The following SDK1 variants were observed in gnomAD, a reference collection of about 807,000 sequenced individuals.
SDK1 encodes the protein sidekick cell adhesion molecule 1.
Under a neutral mutation model 245.5 loss-of-function variants are expected in SDK1, and 157 were observed. That is an observed-to-expected ratio of 0.64 (90% CI 0.56 to 0.73). The LOEUF is 0.73. Ranked by LOEUF, SDK1 falls within the 30% of genes least tolerant of loss-of-function variation. The probability of loss-of-function intolerance (pLI) is 0.00; values close to 1 mark genes in which losing one functional copy is unlikely to be tolerated. For synonymous variants in SDK1, 1,647 were observed against 1,278.5 expected (o/e 1.29, Z -6.15); for missense variants, 3,583 against 3,002.3 (o/e 1.19, Z -4.52).
At chr7:3,448,110 T>C (rs1046090945) in intron 1 of SDK1, among the ~76,000 whole-genome samples, 2 of 152,224 alleles carry the variant, frequency 1.3e-5, no homozygotes, top group African/African-American at 2.4e-5. Flanking sequence ...TGTATAGATA[T>C]TAGTAGATTT....
intron 1 of SDK1, among the ~76,000 whole-genome samples, chr7:3,588,105 T>C (rs1466629456): frequency 6.6e-6 from 1 of 152,232 alleles, no homozygotes; most frequent in Non-Finnish European, 1.5e-5. Context: ...GAGCCCTGTA[T>C]TCTGCCATTC....
chr7:3,640,950 G>A lies in SDK1; in HGVS notation c.566-1008G>A, dbSNP rs142553902. Among the ~76,000 whole-genome samples the A allele has an allele frequency of 2.6e-3, 393 of 151,996 alleles. 2 individuals are homozygous for A. Among genetic ancestry groups the A allele is most frequent in the African/African-American group, 9.1e-3 (376 of 41,456 alleles). Reference sequence around the variant, plus strand: ...ACCCGCCTCGGCCTCCCAAAGTGCTGGGATGACAGGTGTGAGCCACTGTGC... The same window carrying A: ...ACCCGCCTCGGCCTCCCAAAGTGCTAGGATGACAGGTGTGAGCCACTGTGC... On this transcript the variant is annotated intron_variant, in intron 3 of 44. Transcript: ENST00000404826.
chr7:3,547,803 T>C (rs1489951697), intron 1 of SDK1, among the ~76,000 whole-genome samples: 1 of 152,202 alleles, frequency 6.6e-6, no homozygotes, highest in Non-Finnish European at 1.5e-5. Flanking sequence ...CATTACACTC[T>C]TAACAGGCAG....
In SDK1 at chr7:3,526,610, G is replaced by A. The variant is rs545440826; in HGVS notation, c.299-92470G>A. ...CTCCATCACTTTGCTTGGGAACGCT[G>A]GATGAAGTGGTTACTTTCATTTCTC... On this transcript the variant is annotated intron_variant, in intron 1 of 44. Transcript: ENST00000404826. Among the ~76,000 whole-genome samples, 6 of 152,208 alleles carry A rather than the reference G, an allele frequency of 3.9e-5. No individual in the cohort carries two copies. In the South Asian group the frequency reaches 1.2e-3, roughly 32 times the overall value.
intron 5 of SDK1, among the ~76,000 whole-genome samples, chr7:3,948,251 CTTT>C (rs34746302): frequency 1.3e-5 from 1 of 79,668 alleles, no homozygotes; most frequent in African/African-American, 5.4e-5. Flanking sequence ...ATCACCATTG[CTTT>C]TTTTTTTTTT....
rs1786483443 is a variant in SDK1 at position 4,017,252 on chromosome 7, C to T, written c.2502C>T (p.Asp834=). The change falls in exon 17 of 45, where the codon GAC becomes GAT. Residue 834 remains aspartate (D), a synonymous_variant. Coordinates refer to ENST00000404826, the MANE Select transcript of SDK1 (RefSeq NM_152744.4). The part of the protein sequence containing the change: ...SPEVNYCLVT[D]LIIWTQYEIQ... ...AGGTGAACTACTGCCTGGTGACAGA[C>T]CTGATCATCTGGACACAGTATGAGA... 1 of 1,614,134 alleles carries T rather than the reference C, an allele frequency of 6.2e-7. No individual in the cohort carries two copies. Among genetic ancestry groups the T allele is most frequent in the Non-Finnish European group, 8.5e-7 (1 of 1,180,010 alleles).
chr7:4,000,737 G>T (rs376338412), intron 14 of SDK1, among the ~76,000 whole-genome samples: 60 of 152,308 alleles, frequency 3.9e-4, no homozygotes, highest in African/African-American at 1.4e-3. Context: ...TTTTAATACT[G>T]TCTTTGAAAC....
intron 38 of SDK1, among the ~76,000 whole-genome samples, chr7:4,214,590 C>T (rs1784683874): frequency 6.6e-6 from 1 of 152,194 alleles, no homozygotes; most frequent in Non-Finnish European, 1.5e-5. Flanking sequence ...GCCAGGATCT[C>T]AGCAGAAAAA....
chr7:4,222,444 G>A (rs970759703), intron 40 of SDK1, among the ~76,000 whole-genome samples: 1 of 151,980 alleles, frequency 6.6e-6, no homozygotes, highest in Non-Finnish European at 1.5e-5. Context: ...ACAGGCACCC[G>A]CCATCACGCC....
At chr7:3,942,262 C>G (rs557093818) in intron 5 of SDK1, among the ~76,000 whole-genome samples, 26 of 152,184 alleles carry the variant, frequency 1.7e-4, no homozygotes, top group Non-Finnish European at 3.5e-4. Context: ...CATTTAGGCA[C>G]TTTGCTGGGT....
At chr7:4,255,915 T>C (rs1160009470) in intron 44 of SDK1, among the ~76,000 whole-genome samples, 1 of 57,130 alleles carries the variant, frequency 1.8e-5, no homozygotes, top group Non-Finnish European at 2.9e-5. Flanking sequence ...TTCCAAATAC[T>C]TTTTTTTTTT....
chr7:3,333,639 A>G (rs977386317), intron 1 of SDK1, among the ~76,000 whole-genome samples: 8 of 152,110 alleles, frequency 5.3e-5, no homozygotes, highest in Admixed American at 3.9e-4. Context: ...CTAACCTAGC[A>G]CAAACGCCCT....
intron 4 of SDK1, among the ~76,000 whole-genome samples, chr7:3,648,121 C>G (rs1008891751): frequency 3.3e-5 from 5 of 152,124 alleles, no homozygotes; most frequent in African/African-American, 1.2e-4. Flanking sequence ...TAAATACAGT[C>G]TAATTTGATA....
chr7:4,185,732 A>G (rs1782850417), intron 35 of SDK1, among the ~76,000 whole-genome samples: 1 of 152,142 alleles, frequency 6.6e-6, no homozygotes, highest in South Asian at 2.1e-4. Context: ...TCTGAGTTCC[A>G]TGAGGGCAGG....
intron 1 of SDK1, among the ~76,000 whole-genome samples, chr7:3,351,182 A>G (rs1336703841): frequency 6.6e-6 from 1 of 152,200 alleles, no homozygotes; most frequent in Non-Finnish European, 1.5e-5. Context: ...TTAATCTTAA[A>G]GGCCAGATGG....
In SDK1 at chr7:3,971,694, A is replaced by T; in HGVS notation, c.1817+126A>T. 2.7e-6 allele frequency: 2 copies of T among 729,088 alleles called. 1 individual carries two copies. The highest frequency in any genetic ancestry group is 3.2e-5 in the South Asian group (2 of 63,146). 45.2% of individuals were successfully genotyped at this position (729,088 alleles called of 1,614,324 possible). On this transcript the variant is annotated intron_variant, in intron 12 of 44. Transcript: ENST00000404826. ...TCAGCAGCAGGTCCCTGATTACGGT[A>T]TCTTCTGGTTGTGGGCACCGTCATT...
intron 1 of SDK1, among the ~76,000 whole-genome samples, chr7:3,342,799 T>C (rs190163443): frequency 9.2e-5 from 14 of 152,250 alleles, no homozygotes; most frequent in African/African-American, 3.4e-4. Context: ...AAGAGACTAA[T>C]ACCTAGAATA....
chr7:3,555,064 C>A (rs982432690), intron 1 of SDK1, among the ~76,000 whole-genome samples: 6 of 152,050 alleles, frequency 3.9e-5, no homozygotes, highest in Non-Finnish European at 5.9e-5. Flanking sequence ...GAATTCTTCA[C>A]AGAAATAGAA....
Position 3,538,036 on chromosome 7 carries a change from G to T in SDK1, c.299-81044G>T, listed in dbSNP as rs948044868. 2.6e-5 allele frequency among the ~76,000 whole-genome samples: 4 copies of T among 152,180 alleles called. No homozygotes were observed. The East Asian group carries it at 5.8e-4, about 22-fold the overall frequency. On this transcript the variant is annotated intron_variant, in intron 1 of 44. Coordinates refer to ENST00000404826, the MANE Select transcript of SDK1 (RefSeq NM_152744.4). ...GATGGTTTTTTTCCTGCCTTTCGTG[G>T]AGTCTTTCTTATTTTGGCTCTCCTG...
Sources: allele counts gnomAD v4.1 joint callset (sites outside exome capture counted in the v4.1 genomes callset), GRCh38; gene constraint gnomAD v4.1.1; transcripts MANE v1.5; gene names NCBI Gene and HGNC (gene_info 2026-07-23, HGNC 2026-07-21).